The following VPS13B variants were observed in gnomAD, a reference collection of about 807,000 sequenced individuals.
VPS13B encodes the protein vacuolar protein sorting 13 homolog B, also known as intermembrane lipid transfer protein VPS13B.
VPS13B carries 285 observed loss-of-function variants against 426.4 expected under a neutral mutation model. The ratio of observed to expected loss-of-function variants is 0.67; its 90% CI spans 0.61 to 0.74. The LOEUF (loss-of-function observed/expected upper bound fraction) is 0.74, where lower values mean the gene tolerates loss of function less well. VPS13B is among the 30% of genes least tolerant of loss of function. VPS13B has a pLI of 0.00. For missense variants in VPS13B, 4,537 were observed against 4,782.6 expected (o/e 0.95, Z 1.51); for synonymous variants, 1,676 against 1,676.4 (o/e 1.00, Z 0.01).
chr8:99,380,470 A>T (rs1367819365), intron 19 of VPS13B, among the ~76,000 whole-genome samples: 1 of 152,022 alleles, frequency 6.6e-6, no homozygotes, highest in Admixed American at 6.6e-5. Flanking sequence ...TGCTTGAGTG[A>T]ATCATTGCTC....
rs1833511402 is a variant in VPS13B at position 99,729,741 on chromosome 8, A to G, written c.7050+8694A>G. 2.0e-5 allele frequency among the ~76,000 whole-genome samples: 3 copies of G among 152,198 alleles called. No individual in the cohort carries two copies. The South Asian group carries it at 6.2e-4, about 31-fold the overall frequency. ...GTTTTCTAATAATATTTTATCTACT[A>G]CTTGTCCACAGACTGAACTAAAGCT... On this transcript the variant is annotated intron_variant, in intron 39 of 61. Transcript: ENST00000357162.
chr8:99,636,330 TAAAC>T (rs1337301399), intron 33 of VPS13B, among the ~76,000 whole-genome samples: 2 of 152,058 alleles, frequency 1.3e-5, no homozygotes, highest in African/African-American at 2.4e-5. Flanking sequence ...AAATAGTTCT[TAAAC>T]AATAACAATT....
chr8:99,228,761 C>T (rs961339243), intron 17 of VPS13B, among the ~76,000 whole-genome samples: 1 of 151,906 alleles, frequency 6.6e-6, no homozygotes, highest in Non-Finnish European at 1.5e-5. Flanking sequence ...TGCGGGAGCT[C>T]CTTTAATAGG....
chr8:99,405,394 C>G (rs767493391), intron 21 of VPS13B, among the ~76,000 whole-genome samples: 1 of 152,204 alleles, frequency 6.6e-6, no homozygotes, highest in Non-Finnish European at 1.5e-5. Context: ...CATTCCACTT[C>G]CAAGTTGTAT....
chr8:99,281,938 A>AT (rs920962072), intron 19 of VPS13B, among the ~76,000 whole-genome samples: 64 of 150,368 alleles, frequency 4.3e-4, no homozygotes, highest in African/African-American at 1.4e-3. Flanking sequence ...CTTTCTGTCC[A>AT]TTTTTTTTTC....
intron 30 of VPS13B, among the ~76,000 whole-genome samples, chr8:99,539,903 TTA>T (rs774288492): frequency 4.8e-5 from 7 of 144,334 alleles, no homozygotes; most frequent in Admixed American, 1.4e-4. Flanking sequence ...CTATAAGCAT[TTA>T]TATATATATA....
At chr8:99,529,006 AATAAC>A (rs1289375221) in intron 30 of VPS13B, among the ~76,000 whole-genome samples, 4 of 152,102 alleles carry the variant, frequency 2.6e-5, no homozygotes, top group African/African-American at 9.7e-5. Context: ...GAAAAGGTAA[AATAAC>A]ATTTTAAAAA....
At chr8:99,437,780 C>G (rs1239136407) in intron 22 of VPS13B, among the ~76,000 whole-genome samples, 1 of 152,040 alleles carries the variant, frequency 6.6e-6, no homozygotes, top group Non-Finnish European at 1.5e-5. Context: ...AATAGATTAG[C>G]ATAAGTTCAC....
At chr8:99,713,312 C>CT (rs996631316) in intron 36 of VPS13B, among the ~76,000 whole-genome samples, 2 of 151,900 alleles carry the variant, frequency 1.3e-5, no homozygotes, top group Admixed American at 6.6e-5. Context: ...CCTTTTATGG[C>CT]TTTTTTTTAG....
chr8:99,119,908 C>T (rs1847856799), intron 7 of VPS13B, among the ~76,000 whole-genome samples: 1 of 151,006 alleles, frequency 6.6e-6, no homozygotes, highest in Non-Finnish European at 1.5e-5. Context: ...TAGACAGGGT[C>T]CAGGGTCTTG....
chr8:99,566,391 C>T (rs1298926298), intron 31 of VPS13B, among the ~76,000 whole-genome samples: 1 of 151,886 alleles, frequency 6.6e-6, no homozygotes, highest in East Asian at 1.9e-4. Flanking sequence ...TCATTGAAAC[C>T]CAACTGACCA....
At chr8:99,698,001 C>T in intron 35 of VPS13B, 1 of 407,108 alleles carries the variant, frequency 2.5e-6, no homozygotes, top group East Asian at 5.6e-5. Context: ...AAGGAGGCCG[C>T]AGAGGTGAAG....
chr8:99,557,603 A>G (rs1824656059), intron 31 of VPS13B, among the ~76,000 whole-genome samples: 1 of 152,078 alleles, frequency 6.6e-6, no homozygotes, highest in Non-Finnish European at 1.5e-5. Flanking sequence ...TGCTATTAAC[A>G]TGTGTGTGCA....
chr8:99,799,862 C>G (rs974702484), intron 43 of VPS13B, among the ~76,000 whole-genome samples: 1 of 152,130 alleles, frequency 6.6e-6, no homozygotes, highest in African/African-American at 2.4e-5. Context: ...GATTTTCAAA[C>G]AAACAAAACC....
At chr8:99,659,471 C>A (rs1356929980) in intron 34 of VPS13B, among the ~76,000 whole-genome samples, 2 of 151,860 alleles carry the variant, frequency 1.3e-5, no homozygotes, top group Non-Finnish European at 2.9e-5. Flanking sequence ...TATGTCAGCC[C>A]TTATGTTTTT....
chr8:99,806,295 G>A (rs1003622703), intron 43 of VPS13B, among the ~76,000 whole-genome samples: 4 of 152,102 alleles, frequency 2.6e-5, no homozygotes, highest in African/African-American at 7.2e-5. Context: ...ACCTTGTCCC[G>A]AGCATGTGTA....
At chr8:99,112,052 T>A (rs1847397941) in intron 6 of VPS13B, among the ~76,000 whole-genome samples, 1 of 152,202 alleles carries the variant, frequency 6.6e-6, no homozygotes, top group Non-Finnish European at 1.5e-5. Context: ...ACAGGACATG[T>A]CTTTTGATAC....
At chr8:99,310,253 C>G (rs551132108) in intron 19 of VPS13B, among the ~76,000 whole-genome samples, 247 of 152,290 alleles carry the variant, frequency 1.6e-3, no homozygotes, top group African/African-American at 5.1e-3. Flanking sequence ...GCATCCCTGT[C>G]TTGTGCCGGT....
At chr8:99,301,744 C>T (rs938827069) in intron 19 of VPS13B, among the ~76,000 whole-genome samples, 3 of 152,100 alleles carry the variant, frequency 2.0e-5, no homozygotes, top group Admixed American at 1.3e-4. Flanking sequence ...AATCCAAAGA[C>T]AAATTAATGG....
Sources: gnomAD v4.1 joint callset for allele counts (sites outside exome capture counted in the v4.1 genomes callset) on GRCh38, gnomAD v4.1.1 for gene constraint, MANE v1.5 for transcripts, NCBI Gene and HGNC (gene_info 2026-07-23, HGNC 2026-07-21) for gene names.